The following NR5A2 variants were observed in gnomAD, a reference collection of about 807,000 sequenced individuals.
The protein encoded by NR5A2 is CYP7A promoter-binding factor.
A neutral mutation model predicts 62.7 loss-of-function variants in NR5A2; 26 were observed. The observed-to-expected ratio is 0.41, with a 90% CI of 0.30 to 0.58. The LOEUF (loss-of-function observed/expected upper bound fraction) is 0.58, where lower values mean the gene tolerates loss of function less well. Ranked by LOEUF, NR5A2 falls within the 20% of genes least tolerant of loss-of-function variation. The probability of loss-of-function intolerance (pLI) is 0.22; values close to 1 mark genes in which losing one functional copy is unlikely to be tolerated. For synonymous variants in NR5A2, 246 were observed against 241.7 expected, an observed-to-expected ratio of 1.02 and a Z score of -0.16; for missense variants, 541 against 669.1, an observed-to-expected ratio of 0.81 and a Z score of 2.11.
At chr1:200,154,155 T>C (rs1477146591) in intron 7 of NR5A2, among the ~76,000 whole-genome samples, 1 of 152,246 alleles carries the variant, frequency 6.6e-6, no homozygotes, top group African/African-American at 2.4e-5. Context: ...GTTCCCTGTC[T>C]GCTCTTGCTT....
rs961722849 is a variant in NR5A2 at position 200,173,880 on chromosome 1, C to A, written c.1379-83C>A. 7 of 1,299,338 alleles carry A rather than the reference C, an allele frequency of 5.4e-6. No homozygotes were observed. In the African/African-American group the frequency reaches 9.2e-5, roughly 17 times the overall value. 80.5% of individuals were successfully genotyped at this position (1,299,338 alleles called of 1,614,324 possible). A position where few individuals can be genotyped will look rare whatever the true frequency, so the allele number is the denominator to read the frequency against. On this transcript the variant is annotated intron_variant, in intron 7 of 7. Transcript: ENST00000367362. ...GTTTATGTCAAAAGGAAAATACATC[C>A]ATTAATTGAACACATTGCTTTAGTA...
chr1:200,080,901 T>A (rs1394194888), intron 5 of NR5A2, among the ~76,000 whole-genome samples: 9 of 152,232 alleles, frequency 5.9e-5, no homozygotes, highest in African/African-American at 2.2e-4. Flanking sequence ...AGTAGAAACA[T>A]GCAGCATCTG....
chr1:200,080,288 G>T (rs1225096466), intron 5 of NR5A2, among the ~76,000 whole-genome samples: 2 of 152,128 alleles, frequency 1.3e-5, no homozygotes. Context: ...GCCTCTCAAA[G>T]TTGTACTATA....
chr1:200,162,048 T>C (rs541961090), intron 7 of NR5A2, among the ~76,000 whole-genome samples: 79 of 152,312 alleles, frequency 5.2e-4, no homozygotes, highest in African/African-American at 1.9e-3. Flanking sequence ...ATGTGGAAGA[T>C]GTTCCACAGA....
At chr1:200,117,992 G>T (rs923403501) in intron 6 of NR5A2, among the ~76,000 whole-genome samples, 2 of 148,978 alleles carry the variant, frequency 1.3e-5, no homozygotes, top group African/African-American at 5.0e-5. Flanking sequence ...GGGATTAGAG[G>T]CATGAGCCGC....
At chr1:200,138,180 C>T (rs1667307731) in intron 7 of NR5A2, among the ~76,000 whole-genome samples, 1 of 152,150 alleles carries the variant, frequency 6.6e-6, no homozygotes, top group African/African-American at 2.4e-5. Context: ...ACATTTTTCT[C>T]CATGTCTTCC....
chr1:200,110,221 G>T (rs1292094538), intron 5 of NR5A2, among the ~76,000 whole-genome samples: 1 of 152,184 alleles, frequency 6.6e-6, no homozygotes, highest in Non-Finnish European at 1.5e-5. Context: ...ATAAATGGCA[G>T]TTGCTTTTTC....
intron 1 of NR5A2, among the ~76,000 whole-genome samples, chr1:200,034,783 CTTTTTTTTTTTTTTTTT>C (rs767393832): frequency 9.8e-5 from 7 of 71,282 alleles, no homozygotes; most frequent in African/African-American, 3.7e-4. Flanking sequence ...AGCAGAAAGG[CTTTTTTTTTTTTTTTTT>C]TTTTTTTTTT....
chr1:200,164,537 G>A (rs1653803164), intron 7 of NR5A2, among the ~76,000 whole-genome samples: 1 of 149,980 alleles, frequency 6.7e-6, no homozygotes, highest in Non-Finnish European at 1.5e-5. Flanking sequence ...CTTTTCCATA[G>A]ATTTTAATAG....
At chr1:200,120,992 G>A (rs3762398) in intron 7 of NR5A2, 37 bp downstream of exon 7, 447,121 of 1,608,088 alleles carry the variant, frequency 0.28, 63,449 homozygotes, top group Admixed American at 0.34. Context: ...CTCAACCAAC[G>A]ATTGCTAAAT....
Position 200,027,835 on chromosome 1 carries a change from A to G in NR5A2, c.-13A>G, listed in dbSNP as rs775149014. On this transcript the variant is annotated 5_prime_UTR_variant, in exon 1 of 8. The change creates a new upstream start codon in the 5' untranslated region. Coordinates refer to ENST00000367362, the MANE Select transcript of NR5A2 (RefSeq NM_205860.3). The stretch of plus-strand genomic sequence containing the variant: ...TGCTTTAAGCCAAAGAACTGCCTAT[A>G]ATTTCACTAAGAATGTCTTCTAATT... The G allele has an allele frequency of 2.8e-5, 44 of 1,592,160 alleles. No homozygotes were observed. The highest frequency in any genetic ancestry group is 3.3e-5 in the Non-Finnish European group (39 of 1,168,004).
Position 200,174,271 on chromosome 1 carries a change from G to C in NR5A2, c.*61G>C. ...AAGAGATTGGGGGAGTGGGGAGGGG[G>C]AAGAAGAACAGGAAGAAAAAAAGTA... On this transcript the variant is annotated 3_prime_UTR_variant, in exon 8 of 8. Coordinates refer to ENST00000367362, the MANE Select transcript of NR5A2 (RefSeq NM_205860.3). 1 of 1,452,794 alleles carries C rather than the reference G, an allele frequency of 6.9e-7. No homozygotes were observed. Among genetic ancestry groups the C allele is most frequent in the Non-Finnish European group, 9.1e-7 (1 of 1,101,558 alleles). The allele number at this position is 1,452,794 out of a possible 1,614,324, so 90.0% of individuals were successfully genotyped here.
intron 5 of NR5A2, among the ~76,000 whole-genome samples, chr1:200,056,856 A>T (rs1406000441): frequency 6.6e-6 from 1 of 152,174 alleles, no homozygotes; most frequent in African/African-American, 2.4e-5. Flanking sequence ...TCCATGTTTA[A>T]CTAGCTTGGC....
chr1:200,038,827 G>A, intron 1 of NR5A2: 2 of 1,140,574 alleles, frequency 1.8e-6, no homozygotes, highest in South Asian at 1.4e-5. Context: ...GGGGTGGGAG[G>A]GGGTGAGGCG....
chr1:200,171,512 G>T (rs1654179974), intron 7 of NR5A2, among the ~76,000 whole-genome samples: 1 of 152,188 alleles, frequency 6.6e-6, no homozygotes, highest in Non-Finnish European at 1.5e-5. Flanking sequence ...ACTTTGGGAG[G>T]CCAAGGTGGG....
chr1:200,038,052 A>C (rs542585122), intron 1 of NR5A2, among the ~76,000 whole-genome samples: 2 of 152,370 alleles, frequency 1.3e-5, no homozygotes, highest in African/African-American at 4.8e-5. Context: ...CAGATTCTAA[A>C]TATGAGGCAT....
intron 6 of NR5A2, among the ~76,000 whole-genome samples, chr1:200,115,620 C>T (rs1233242835): frequency 2.6e-5 from 4 of 152,126 alleles, no homozygotes; most frequent in Non-Finnish European, 5.9e-5. Context: ...CACAGCTCTG[C>T]AGCCAATAGT....
chr1:200,049,266 C>T (rs1017319368), intron 5 of NR5A2, among the ~76,000 whole-genome samples: 5 of 152,118 alleles, frequency 3.3e-5, no homozygotes, highest in South Asian at 2.1e-4. Flanking sequence ...AGTGTTTAGA[C>T]TCTAAGGAAT....
At chr1:200,150,722 A>G (rs986899894) in intron 7 of NR5A2, among the ~76,000 whole-genome samples, 1 of 152,202 alleles carries the variant, frequency 6.6e-6, no homozygotes, top group African/African-American at 2.4e-5. Context: ...TTGATTTAAG[A>G]TTTCTAAAAA....
Sources: gnomAD v4.1 joint callset for allele counts (sites outside exome capture counted in the v4.1 genomes callset) on GRCh38, gnomAD v4.1.1 for gene constraint, MANE v1.5 for transcripts, NCBI Gene and HGNC (gene_info 2026-07-23, HGNC 2026-07-21) for gene names.